CCNJL: variants seen among roughly 807,000 people sequenced by gnomAD.
CCNJL encodes cyclin-J-like protein.
Under a neutral mutation model 33.4 loss-of-function variants are expected in CCNJL, and 33 were observed. That is an observed-to-expected ratio of 0.99 (90% CI 0.75 to 1.32). The LOEUF is 1.32. Ranked by LOEUF, CCNJL falls within the 40% of genes most tolerant of loss-of-function variation. The probability of loss-of-function intolerance (pLI) is 0.00; values close to 1 mark genes in which losing one functional copy is unlikely to be tolerated. For missense variants in CCNJL, 512 were observed against 499.7 expected (o/e 1.02, Z -0.23); for synonymous variants, 227 against 220.9 (o/e 1.03, Z -0.24).
intron 3 of CCNJL, among the ~76,000 whole-genome samples, chr5:160,264,875 C>T (rs1456343062): frequency 3.3e-5 from 5 of 152,098 alleles, no homozygotes; most frequent in East Asian, 1.9e-4. Flanking sequence ...TCTGAATTAG[C>T]GCCAAGAGAA....
intron 2 of CCNJL, among the ~76,000 whole-genome samples, chr5:160,303,745 TAA>T (rs1561804195): frequency 6.7e-6 from 1 of 149,322 alleles, no homozygotes; most frequent in Non-Finnish European, 1.5e-5. Flanking sequence ...TGTGTGTGTG[TAA>T]TAACTCAAAA....
At chr5:160,260,573 G>C (rs1333772525) in intron 3 of CCNJL, among the ~76,000 whole-genome samples, 1 of 152,134 alleles carries the variant, frequency 6.6e-6, no homozygotes, top group African/African-American at 2.4e-5. Flanking sequence ...TGCTCTCAGG[G>C]AACAATGGGA....
intron 2 of CCNJL, among the ~76,000 whole-genome samples, chr5:160,301,526 C>A (rs1314386454): frequency 1.3e-5 from 2 of 151,690 alleles, no homozygotes; most frequent in African/African-American, 4.8e-5. Context: ...CTCTGCCTCG[C>A]GGGTTCAAGC....
intron 1 of CCNJL, among the ~76,000 whole-genome samples, chr5:160,318,726 GTTAAC>G (rs1329643367): frequency 2.0e-5 from 3 of 152,204 alleles, no homozygotes; most frequent in Admixed American, 6.5e-5. Flanking sequence ...AATAAAAATA[GTTAAC>G]TTAATTTTGT....
chr5:160,273,161 G>C (rs1489959966), intron 3 of CCNJL, among the ~76,000 whole-genome samples: 2 of 152,210 alleles, frequency 1.3e-5, no homozygotes, highest in African/African-American at 4.8e-5. Flanking sequence ...CACTGAATTA[G>C]TGAATACTGA....
chr5:160,312,151 C>T (rs1339942650), intron 1 of CCNJL, among the ~76,000 whole-genome samples, 179 bp from the exon 2 acceptor site: 2 of 152,208 alleles, frequency 1.3e-5, no homozygotes, highest in Non-Finnish European at 2.9e-5. Flanking sequence ...CCCCTCTGCT[C>T]GCCGGACACG....
At chr5:160,303,726 GTC>G (rs544860598) in intron 2 of CCNJL, among the ~76,000 whole-genome samples, 25,895 of 72,802 alleles carry the variant, frequency 0.36, 2,549 homozygotes, top group African/African-American at 0.41. Context: ...GTGTGTGTGT[GTC>G]TGTGTGTGTG....
Position 160,253,385 on chromosome 5 carries a change from T to G in CCNJL, c.1157A>C (p.Asp386Ala). 6.3e-7 allele frequency: 1 copy of G among 1,576,698 alleles called. No homozygotes were observed. The part of the protein sequence containing the change: ...GSHMFPTGCF[D>A]R The stretch of plus-strand genomic sequence containing the variant: ...GTGAGGTCTGGAGGTGGCCTATCTG[T>G]CAAAGCAGCCGGTGGGGAACATGTG... Residue 386 changes from aspartate to alanine, a missense_variant, in exon 6 of 6, where the codon GAC becomes GCC. By Grantham distance (126) the Asp-to-Ala change is moderately radical. Coordinates refer to ENST00000257536, the MANE Select transcript of CCNJL (RefSeq NM_001308173.3).
chr5:160,320,595 A>G (rs1176703934), intron 1 of CCNJL, among the ~76,000 whole-genome samples: 1 of 152,196 alleles, frequency 6.6e-6, no homozygotes, highest in African/African-American at 2.4e-5. Context: ...ACTGTGGTTG[A>G]CCAGTGGGTG....
chr5:160,264,543 T>G lies in CCNJL; in HGVS notation c.281-4772A>C, dbSNP rs1285579447. 2.8e-5 allele frequency among the ~76,000 whole-genome samples: 4 copies of G among 144,064 alleles called. No individual in the cohort carries two copies. In the East Asian group the frequency reaches 8.0e-4, roughly 29 times the overall value. The allele number at this position is 144,064 out of a possible 152,430, so 94.5% of individuals were successfully genotyped here. Reference sequence around the variant, plus strand: ...CTGTGGATCCAGCTTACAGACTGGCTTTTTTTTTTTTAATTAGAAAAAACT... The same window carrying G: ...CTGTGGATCCAGCTTACAGACTGGCGTTTTTTTTTTTAATTAGAAAAAACT... On this transcript the variant is annotated intron_variant, in intron 3 of 5. Coordinates refer to ENST00000257536, the MANE Select transcript of CCNJL (RefSeq NM_001308173.3).
chr5:160,322,074 G>A (rs577952380), intron 1 of CCNJL, among the ~76,000 whole-genome samples: 1 of 152,232 alleles, frequency 6.6e-6, no homozygotes, highest in African/African-American at 2.4e-5. Flanking sequence ...GAGTGAGGAG[G>A]GGCCAGATCT....
intron 1 of CCNJL, among the ~76,000 whole-genome samples, chr5:160,322,213 G>C (rs1256656536): frequency 6.6e-6 from 1 of 152,194 alleles, no homozygotes; most frequent in Admixed American, 6.5e-5. Context: ...CATTTACTTA[G>C]ATGTGGAACT....
chr5:160,331,082 G>C (rs974503394), intron 1 of CCNJL, among the ~76,000 whole-genome samples: 1 of 152,084 alleles, frequency 6.6e-6, no homozygotes, highest in Non-Finnish European at 1.5e-5. Flanking sequence ...TGATGGTCTT[G>C]CACCATCCAT....
At position 160,328,976 on chromosome 5, in the gene CCNJL, G is replaced by C. The variant is rs142778714; in HGVS notation, n.206+10469C>G. Among the ~76,000 whole-genome samples the C allele has an allele frequency of 4.6e-4, 70 of 152,254 alleles. 1 individual carries two copies. The highest frequency in any genetic ancestry group is 3.4e-3 in the Middle Eastern group (1 of 294). On this transcript the variant is annotated intron_variant and non_coding_transcript_variant, in intron 1 of 7. Transcript: ENST00000377503. Reference sequence around the variant, plus strand: ...AGTAACTTATCCAAGGTTACCCAGGGCAGAGATTTGAACCAAGACCATCTG... The same window carrying C: ...AGTAACTTATCCAAGGTTACCCAGGCCAGAGATTTGAACCAAGACCATCTG...
chr5:160,263,943 CTT>C (rs1156940851), intron 3 of CCNJL, among the ~76,000 whole-genome samples: 41 of 136,508 alleles, frequency 3.0e-4, no homozygotes, highest in Admixed American at 3.0e-4. Context: ...CTATCAACCT[CTT>C]TTTTTTTTTT....
intron 3 of CCNJL, chr5:160,276,437 A>G (rs1047531966): frequency 6.6e-6 from 1 of 152,200 alleles, no homozygotes; most frequent in African/African-American, 2.4e-5. Flanking sequence ...AGAAAAAGAA[A>G]AAAAAAAGAA....
chr5:160,303,718 G>A (rs545374894), intron 2 of CCNJL, among the ~76,000 whole-genome samples: 1 of 122,692 alleles, frequency 8.2e-6, no homozygotes, highest in South Asian at 3.0e-4. Flanking sequence ...GTGTGTGTGT[G>A]TGTGTGTGTC....
At chr5:160,321,043 T>G (rs1297590372) in intron 1 of CCNJL, among the ~76,000 whole-genome samples, 2 of 111,766 alleles carry the variant, frequency 1.8e-5, no homozygotes, top group African/African-American at 1.0e-4. Flanking sequence ...TCTTTCTTTC[T>G]TTCTTTCTTT....
At chr5:160,331,734 C>T (rs368375418) in intron 1 of CCNJL, among the ~76,000 whole-genome samples, 2 of 152,278 alleles carry the variant, frequency 1.3e-5, no homozygotes, top group African/African-American at 2.4e-5. Flanking sequence ...GTGCACTGAC[C>T]GTGATGGGAC....
Sources: gnomAD v4.1 joint callset for allele counts (sites outside exome capture counted in the v4.1 genomes callset) on GRCh38, gnomAD v4.1.1 for gene constraint, MANE v1.5 for transcripts, NCBI Gene and HGNC (gene_info 2026-07-23, HGNC 2026-07-21) for gene names.